Variants in CDH1 observed in about 807,000 individuals in gnomAD.
The protein encoded by CDH1 is cadherin-1.
Under a neutral mutation model 84.5 loss-of-function variants are expected in CDH1, and 35 were observed. The ratio of observed to expected loss-of-function variants is 0.41; its 90% CI spans 0.32 to 0.55. The LOEUF (loss-of-function observed/expected upper bound fraction) is 0.55, where lower values mean the gene tolerates loss of function less well. CDH1 is among the 20% of genes least tolerant of loss of function. CDH1 has a pLI of 0.19. For missense variants in CDH1, 994 were observed against 1,126.6 expected, an observed-to-expected ratio of 0.88 and a Z score of 1.68; for synonymous variants, 417 against 439.0, an observed-to-expected ratio of 0.95 and a Z score of 0.63.
At chr16:68,743,827 T>G (rs981795077) in intron 2 of CDH1, among the ~76,000 whole-genome samples, 2 of 152,260 alleles carry the variant, frequency 1.3e-5, no homozygotes, top group African/African-American at 2.4e-5. Flanking sequence ...TGACTTTGAA[T>G]AAGTCACTTT....
chr16:68,814,947 C>T (rs1960943194), intron 9 of CDH1, among the ~76,000 whole-genome samples: 4 of 149,682 alleles, frequency 2.7e-5, no homozygotes, highest in South Asian at 2.1e-4. Context: ...AAAAGATGGC[C>T]GGGTGCAGTT....
chr16:68,827,917 T>C (rs1272671795), intron 13 of CDH1, among the ~76,000 whole-genome samples: 4 of 152,202 alleles, frequency 2.6e-5, no homozygotes, highest in Non-Finnish European at 5.9e-5. Flanking sequence ...AAAATGACAG[T>C]GATTGAGTTT....
At chr16:68,792,364 G>A (rs1389999229) in intron 2 of CDH1, among the ~76,000 whole-genome samples, 4 of 151,868 alleles carry the variant, frequency 2.6e-5, no homozygotes, top group Non-Finnish European at 5.9e-5. Flanking sequence ...CGAGTAGCTG[G>A]GATTACAGGC....
intron 2 of CDH1, among the ~76,000 whole-genome samples, chr16:68,768,193 G>A (rs8056338): frequency 0.3 from 45,255 of 151,776 alleles, 6,813 homozygotes; most frequent in Middle Eastern, 0.33. Flanking sequence ...TGATCTGTCC[G>A]CCTTGGCCTC....
At chr16:68,829,345 C>G (rs1207801103) in intron 14 of CDH1, among the ~76,000 whole-genome samples, 3 of 152,178 alleles carry the variant, frequency 2.0e-5, no homozygotes, top group African/African-American at 7.2e-5. Context: ...TTCTCACAAG[C>G]TGGGGTTGGG....
At chr16:68,821,309 CA>C (rs374403857) in intron 11 of CDH1, among the ~76,000 whole-genome samples, 1 of 151,566 alleles carries the variant, frequency 6.6e-6, no homozygotes, top group African/African-American at 2.4e-5. Context: ...CCCCTCTCTA[CA>C]AAAAAAATTT....
At chr16:68,786,538 T>C (rs1028454040) in intron 2 of CDH1, among the ~76,000 whole-genome samples, 34 of 133,862 alleles carry the variant, frequency 2.5e-4, no homozygotes, top group Non-Finnish European at 3.9e-4. Context: ...TTTTTTCTTT[T>C]TTTTTTTTTT....
intron 2 of CDH1, among the ~76,000 whole-genome samples, chr16:68,745,599 A>ATG (rs1962714346): frequency 1.5e-5 from 2 of 137,738 alleles, no homozygotes; most frequent in African/African-American, 3.0e-5. Flanking sequence ...ATGTGTATAT[A>ATG]TATGTATGTG....
chr16:68,742,772 A>C (rs941813510), intron 2 of CDH1, among the ~76,000 whole-genome samples: 1 of 152,232 alleles, frequency 6.6e-6, no homozygotes, highest in Non-Finnish European at 1.5e-5. Flanking sequence ...AACAGTATGC[A>C]GCCTCCCTAA....
At chr16:68,829,852 G>T in intron 15 of CDH1, 55 bp downstream of exon 15, 11 of 1,569,674 alleles carry the variant, frequency 7.0e-6, no homozygotes, top group Non-Finnish European at 9.6e-6. Flanking sequence ...CTCAGGAGGA[G>T]TTGTGTCAAA....
chr16:68,793,931 A>C (rs1004777082), intron 2 of CDH1, among the ~76,000 whole-genome samples: 182 of 55,016 alleles, frequency 3.3e-3, no homozygotes, highest in Non-Finnish European at 5.2e-3. Flanking sequence ...ACTCTGTCTC[A>C]AAAAAAAAAA....
At chr16:68,776,148 G>A (rs960170894) in intron 2 of CDH1, among the ~76,000 whole-genome samples, 5 of 152,072 alleles carry the variant, frequency 3.3e-5, no homozygotes, top group Non-Finnish European at 5.9e-5. Context: ...CACCATGCCT[G>A]ACTAAGTTTT....
chr16:68,745,549 A>ATATATATATATATATGTGT (rs1285099283), intron 2 of CDH1, among the ~76,000 whole-genome samples: 1 of 75,182 alleles, frequency 1.3e-5, no homozygotes, highest in Non-Finnish European at 2.4e-5. Flanking sequence ...AAAAAAAAAA[A>ATATATATATATATATGTGT]ATATATATAT....
At chr16:68,766,895 T>A (rs1470587156) in intron 2 of CDH1, among the ~76,000 whole-genome samples, 1 of 151,542 alleles carries the variant, frequency 6.6e-6, no homozygotes, top group African/African-American at 2.4e-5. Flanking sequence ...GCCCGGCTGA[T>A]TTTTTGTATT....
intron 2 of CDH1, among the ~76,000 whole-genome samples, chr16:68,754,460 G>A (rs901795639): frequency 8.5e-5 from 13 of 152,318 alleles, no homozygotes; most frequent in Middle Eastern, 3.4e-3. Flanking sequence ...GTGATCATAA[G>A]CAACAGTGTA....
Position 68,833,654 on chromosome 16 carries a change from A to C in CDH1, c.*155A>C, listed in dbSNP as rs1961555919. ...GTTAGTATAGCTTTATACTCTCTCC[A>C]CTTTATAGCTCTAATAAGTTTGTGT... On this transcript the variant is annotated 3_prime_UTR_variant, in exon 16 of 16. Transcript: ENST00000261769. The C allele has an allele frequency of 1.5e-6, 1 of 661,024 alleles. No individual in the cohort carries two copies. Among genetic ancestry groups the C allele is most frequent in the Non-Finnish European group, 2.7e-6 (1 of 371,846 alleles). 40.9% of individuals were successfully genotyped at this position (661,024 alleles called of 1,614,324 possible).
rs2152132603 is a variant in CDH1 at position 68,812,193 on chromosome 16, G to A, written c.1067G>A (p.Ser356Asn). The change falls in exon 8 of 16, where the codon AGC becomes AAC. Residue 356 changes from serine (S) to asparagine (N), a missense_variant. Ser to Asn is a conservative substitution (Grantham distance 46). Transcript: ENST00000261769. ...GCTGACCTTCAAGGTGAGGGGTTAA[G>A]CACAACAGCAACAGCTGTGATCACA... ...QAADLQGEGL[S>N]TTATAVITVT... 6.2e-7 allele frequency: 1 copy of A among 1,614,162 alleles called. No homozygotes were observed. The highest frequency in any genetic ancestry group is 8.5e-7 in the Non-Finnish European group (1 of 1,180,010).
chr16:68,746,607 G>A (rs1240875791), intron 2 of CDH1, among the ~76,000 whole-genome samples: 1 of 152,108 alleles, frequency 6.6e-6, no homozygotes, highest in African/African-American at 2.4e-5. Flanking sequence ...GGGATAGGCT[G>A]GTGCTTCTGC....
intron 3 of CDH1, among the ~76,000 whole-genome samples, chr16:68,805,046 G>A (rs1428878771): frequency 8.6e-5 from 12 of 139,682 alleles, no homozygotes; most frequent in African/African-American, 2.7e-4. Flanking sequence ...ACTTTGTTGC[G>A]CAGGCTCAAA....
Sources: allele counts gnomAD v4.1 joint callset (sites outside exome capture counted in the v4.1 genomes callset), GRCh38; gene constraint gnomAD v4.1.1; transcripts MANE v1.5; gene names NCBI Gene and HGNC (gene_info 2026-07-23, HGNC 2026-07-21).